The following CTNNA3 variants were observed in gnomAD, a reference collection of about 807,000 sequenced individuals.
CTNNA3 encodes catenin alpha-3.
In CTNNA3, 76 loss-of-function variants were observed where a neutral mutation model predicts 95.7. The ratio of observed to expected loss-of-function variants is 0.79; its 90% CI spans 0.66 to 0.96. The LOEUF is 0.96. Ranked by LOEUF, CTNNA3 falls within the 40% of genes least tolerant of loss-of-function variation. CTNNA3 has a pLI of 0.00. For synonymous variants in CTNNA3, 431 were observed against 374.4 expected (o/e 1.15, Z -1.74); for missense variants, 1,191 against 1,089.8 (o/e 1.09, Z -1.31).
intron 7 of CTNNA3, among the ~76,000 whole-genome samples, chr10:67,005,680 A>ATTTTTTTTTTTTTTTT (rs1564825972): frequency 7.6e-5 from 2 of 26,370 alleles, no homozygotes; most frequent in Admixed American, 7.9e-4. Context: ...ATTTTACTCC[A>ATTTTTTTTTTTTTTTT]TCTTTTTTTT....
At chr10:67,189,289 C>G (rs922968786) in intron 6 of CTNNA3, among the ~76,000 whole-genome samples, 2 of 151,980 alleles carry the variant, frequency 1.3e-5, no homozygotes, top group African/African-American at 2.4e-5. Flanking sequence ...AACTCGGACA[C>G]AGAGTGGAGT....
chr10:66,800,366 T>C (rs1288095912), intron 7 of CTNNA3, among the ~76,000 whole-genome samples: 3 of 151,222 alleles, frequency 2.0e-5, no homozygotes, highest in Non-Finnish European at 3.0e-5. Context: ...TCTTTCTTAG[T>C]GGTATTTCAG....
intron 7 of CTNNA3, among the ~76,000 whole-genome samples, chr10:66,863,211 G>GCA (rs1009541762): frequency 1.1e-4 from 13 of 113,586 alleles, no homozygotes; most frequent in African/African-American, 3.8e-4. Context: ...ACACACACAC[G>GCA]CACACACATA....
At position 66,344,395 on chromosome 10, in the gene CTNNA3, T is replaced by G. The variant is rs1336419230; in HGVS notation, c.1732+34757A>C. 2.0e-5 allele frequency among the ~76,000 whole-genome samples: 3 copies of G among 150,070 alleles called. 1 individual carries two copies. The highest frequency in any genetic ancestry group is 4.4e-5 in the Non-Finnish European group (3 of 67,618). ...GATTCTCCTGCCTCAGCCTCCTGAG[T>G]AGCTGGGATTACAGGCATGTGCCAC... On this transcript the variant is annotated intron_variant, in intron 12 of 17. Transcript: ENST00000433211.
intron 15 of CTNNA3, among the ~76,000 whole-genome samples, chr10:66,038,306 A>G (rs1396550234): frequency 6.6e-6 from 1 of 152,182 alleles, no homozygotes; most frequent in African/African-American, 2.4e-5. Context: ...GAGTAACTGA[A>G]CAACATGCAT....
intron 3 of CTNNA3, among the ~76,000 whole-genome samples, chr10:67,560,900 C>T (rs372480064): frequency 4.5e-4 from 68 of 152,198 alleles, no homozygotes; most frequent in Admixed American, 6.5e-4. Context: ...AAGGCCATTG[C>T]ATAATGGTAA....
chr10:67,446,843 C>A (rs1589298792), intron 5 of CTNNA3, among the ~76,000 whole-genome samples: 1 of 152,118 alleles, frequency 6.6e-6, no homozygotes, highest in South Asian at 2.1e-4. Flanking sequence ...TGGTGGCTCA[C>A]GGCTGTAATC....
At position 67,234,051 on chromosome 10, in the gene CTNNA3, C is replaced by G. The variant is rs1466549356; in HGVS notation, c.580-14181G>C. On this transcript the variant is annotated intron_variant, in intron 5 of 17. Transcript: ENST00000433211. ...TTACCAACCAAAAAGAGTCCAGGAC[C>G]AGCTGGATTCACAGCCGAATTCTAC... 2.0e-5 allele frequency among the ~76,000 whole-genome samples: 3 copies of G among 152,094 alleles called. No individual in the cohort carries two copies. The East Asian group carries it at 5.8e-4, about 29-fold the overall frequency.
At chr10:66,661,444 G>C (rs1383420912) in intron 9 of CTNNA3, among the ~76,000 whole-genome samples, 1 of 152,018 alleles carries the variant, frequency 6.6e-6, no homozygotes, top group African/African-American at 2.4e-5. Context: ...GGGGATTCTG[G>C]GAGATACAAT....
intron 9 of CTNNA3, among the ~76,000 whole-genome samples, chr10:66,650,737 G>A (rs1845865455): frequency 6.6e-6 from 1 of 151,954 alleles, no homozygotes; most frequent in Admixed American, 6.6e-5. Context: ...CGGCGCATCT[G>A]GAGTTGTTCC....
chr10:67,399,328 A>T (rs1844832422), intron 5 of CTNNA3, among the ~76,000 whole-genome samples: 1 of 152,238 alleles, frequency 6.6e-6, no homozygotes, highest in African/African-American at 2.4e-5. Context: ...TAAAACCAAT[A>T]TTATTAATTT....
At chr10:67,197,131 T>C (rs1863412594) in intron 6 of CTNNA3, among the ~76,000 whole-genome samples, 1 of 152,152 alleles carries the variant, frequency 6.6e-6, no homozygotes, top group Non-Finnish European at 1.5e-5. Flanking sequence ...GTGTCCCACC[T>C]TCTATGTCCA....
At chr10:65,932,119 G>A (rs934195261) in intron 17 of CTNNA3, among the ~76,000 whole-genome samples, 1 of 152,096 alleles carries the variant, frequency 6.6e-6, no homozygotes, top group Non-Finnish European at 1.5e-5. Flanking sequence ...GGACTCTGGA[G>A]GTAAACTACA....
intron 5 of CTNNA3, among the ~76,000 whole-genome samples, chr10:67,270,631 T>TCCG (rs1309828654): frequency 6.6e-6 from 1 of 152,162 alleles, no homozygotes; most frequent in African/African-American, 2.4e-5. Flanking sequence ...AAAAATGTGC[T>TCCG]CCGTATAAGT....
chr10:67,672,999 A>G (rs962976495), intron 1 of CTNNA3, among the ~76,000 whole-genome samples: 76 of 151,590 alleles, frequency 5.0e-4, no homozygotes, highest in African/African-American at 1.8e-3. Flanking sequence ...TGAGCATGGA[A>G]TGTTCTTCCA....
intron 13 of CTNNA3, among the ~76,000 whole-genome samples, chr10:66,222,656 A>C (rs1277668303): frequency 2.8e-5 from 4 of 143,088 alleles, no homozygotes; most frequent in East Asian, 2.3e-4. Context: ...AGAGAGGAAG[A>C]GAGTAAGGAA....
intron 7 of CTNNA3, among the ~76,000 whole-genome samples, chr10:67,000,121 T>C (rs1851592381): frequency 6.6e-6 from 1 of 152,164 alleles, no homozygotes; most frequent in South Asian, 2.1e-4. Context: ...GGCTCTATTG[T>C]AAAAATATAG....
intron 15 of CTNNA3, among the ~76,000 whole-genome samples, chr10:66,059,195 G>A (rs2080145909): frequency 6.6e-6 from 1 of 152,050 alleles, no homozygotes; most frequent in Non-Finnish European, 1.5e-5. Flanking sequence ...TTTTGGTAAG[G>A]AAAATTGGCA....
At chr10:66,698,889 G>C (rs1262588147) in intron 9 of CTNNA3, among the ~76,000 whole-genome samples, 6 of 152,140 alleles carry the variant, frequency 3.9e-5, no homozygotes, top group Admixed American at 3.3e-4. Context: ...AGAATATCAA[G>C]ATATGAGGAC....
Sources: allele counts gnomAD v4.1 joint callset (sites outside exome capture counted in the v4.1 genomes callset), GRCh38; gene constraint gnomAD v4.1.1; transcripts MANE v1.5; gene names NCBI Gene and HGNC (gene_info 2026-07-23, HGNC 2026-07-21).